The following MTR variants were observed in gnomAD, a reference collection of about 807,000 sequenced individuals.
MTR encodes the protein methionine synthase.
MTR carries 84 observed loss-of-function variants against 154.8 expected under a neutral mutation model. The ratio of observed to expected loss-of-function variants is 0.54; its 90% confidence interval spans 0.45 to 0.65. The LOEUF is 0.65. Among genes scored for constraint, MTR ranks in the 30% least tolerant of loss-of-function variants. The pLI, the probability that MTR is intolerant of heterozygous loss-of-function variation, is 0.00. For missense variants in MTR, 1,275 were observed against 1,570.2 expected (o/e 0.81, Z 3.18); for synonymous variants, 554 against 553.9 (o/e 1.00, Z 0.00).
Position 236,873,756 on chromosome 1 carries a change from T to G in MTR, c.2406-17T>G. The G allele has an allele frequency of 6.2e-7, 1 of 1,610,826 alleles. No homozygotes were observed. The highest frequency in any genetic ancestry group is 8.5e-7 in the Non-Finnish European group (1 of 1,176,920). On this transcript the variant is annotated splice_polypyrimidine_tract_variant and intron_variant, in intron 22 of 32. Coordinates refer to ENST00000366577, the MANE Select transcript of MTR (RefSeq NM_000254.3). ...GGGCTTTCATTAATTTTCTCATGTC[T>G]CATTTCTGTGCCTCAGAGTTATTGA... is the stretch of plus-strand genomic sequence containing the variant.
intron 3 of MTR, among the ~76,000 whole-genome samples, chr1:236,807,663 A>G (rs1661062752): frequency 6.6e-6 from 1 of 152,220 alleles, no homozygotes; most frequent in South Asian, 2.1e-4. Flanking sequence ...ATAGAAATAT[A>G]TGGTAGATGC....
At position 236,859,821 on chromosome 1, in the gene MTR, A is replaced by G. The variant is rs192346180; in HGVS notation, c.1954-12A>G. The stretch of plus-strand genomic sequence containing the variant: ...GAGTTGTATCCATTTCTTGGTTTCA[A>G]TTTCAATTCAGACTCAAGGCACAGG... On this transcript the variant is annotated splice_polypyrimidine_tract_variant and intron_variant, in intron 18 of 32. Transcript: ENST00000366577. The G allele has an allele frequency of 7.4e-6, 12 of 1,611,158 alleles. No homozygotes were observed. Among genetic ancestry groups the G allele is most frequent in the South Asian group, 2.2e-5 (2 of 91,040 alleles).
chr1:236,894,638 TC>T, intron 30 of MTR, 81 bp downstream of exon 30: 1 of 1,404,410 alleles, frequency 7.1e-7, no homozygotes, highest in East Asian at 2.3e-5. Context: ...TGAAGACTGA[TC>T]AGCCCTTAGA....
chr1:236,800,785 C>G (rs954240481), intron 1 of MTR, among the ~76,000 whole-genome samples: 2 of 152,250 alleles, frequency 1.3e-5, no homozygotes, highest in African/African-American at 2.4e-5. Flanking sequence ...ACACCAATGT[C>G]TCATTTCATG....
rs16834539 is a variant in MTR, at chr1:236,902,938, G to A, written c.*5294G>A. On this transcript the variant is annotated 3_prime_UTR_variant, in exon 33 of 33. Coordinates refer to ENST00000366577, the MANE Select transcript of MTR (RefSeq NM_000254.3). Reference sequence around the variant, plus strand: ...AACTGAAAGTATATTCTGATTCGGTGTGTGTATAAGGAAATATACACCAGT... The same window carrying A: ...AACTGAAAGTATATTCTGATTCGGTATGTGTATAAGGAAATATACACCAGT... The A allele has an allele frequency of 6.6e-6, 1 of 152,170 alleles. No individual in the cohort carries two copies. Among genetic ancestry groups the A allele is most frequent in the African/African-American group, 2.4e-5 (1 of 41,430 alleles). The allele number at this position is 152,170 out of a possible 1,614,324, so 9.4% of individuals were successfully genotyped here. A position where few individuals can be genotyped will look rare whatever the true frequency, so the allele number is the denominator to read the frequency against.
intron 16 of MTR, among the ~76,000 whole-genome samples, chr1:236,852,059 A>G (rs1315189759): frequency 6.6e-6 from 1 of 152,206 alleles, no homozygotes; most frequent in Non-Finnish European, 1.5e-5. Flanking sequence ...TGAGCCAATA[A>G]TAGTGAAAGT....
At chr1:236,895,618 A>C in intron 31 of MTR, 68 bp downstream of exon 31, 1 of 1,487,092 alleles carries the variant, frequency 6.7e-7, no homozygotes. Flanking sequence ...GCATACTGGC[A>C]CTTAGGGTTA....
At position 236,894,740 on chromosome 1, in the gene MTR, G is replaced by A; in HGVS notation, c.3405+183G>A. 5 of 642,234 alleles carry A rather than the reference G, an allele frequency of 7.8e-6. No homozygotes were observed. The East Asian group carries it at 8.3e-5, about 11-fold the overall frequency. 39.8% of individuals were successfully genotyped at this position (642,234 alleles called of 1,614,324 possible). A position where few individuals can be genotyped will look rare whatever the true frequency, so the allele number is the denominator to read the frequency against. On this transcript the variant is annotated intron_variant, in intron 30 of 32. Coordinates refer to ENST00000366577, the MANE Select transcript of MTR (RefSeq NM_000254.3). Reference sequence around the variant, plus strand: ...AATATTATGTATCCCCAGATTGCTTGTGTACATTATCTTTGAGGCAAAGAA... The same window carrying A: ...AATATTATGTATCCCCAGATTGCTTATGTACATTATCTTTGAGGCAAAGAA...
intron 15 of MTR, among the ~76,000 whole-genome samples, chr1:236,840,031 G>A (rs1663140780): frequency 6.6e-6 from 1 of 152,120 alleles, no homozygotes; most frequent in African/African-American, 2.4e-5. Context: ...CTGAGATGGG[G>A]GTGGTCTCAA....
At chr1:236,853,901 G>A (rs555934230) in intron 18 of MTR, among the ~76,000 whole-genome samples, 75 of 152,270 alleles carry the variant, frequency 4.9e-4, no homozygotes, top group Non-Finnish European at 9.1e-4. Flanking sequence ...TATCGTAGAT[G>A]GTTCTTCTTA....
At chr1:236,810,129 A>C (rs969555542) in intron 4 of MTR, among the ~76,000 whole-genome samples, 2 of 152,172 alleles carry the variant, frequency 1.3e-5, no homozygotes, top group Non-Finnish European at 2.9e-5. Context: ...TTACTTACTG[A>C]AATGTTTTAG....
intron 22 of MTR, among the ~76,000 whole-genome samples, chr1:236,865,732 T>C (rs1664786010): frequency 6.6e-6 from 1 of 152,200 alleles, no homozygotes; most frequent in African/African-American, 2.4e-5. Flanking sequence ...TAGTATTACC[T>C]ACCATTTGTT....
At chr1:236,826,303 G>GTT (rs1329601461) in intron 10 of MTR, among the ~76,000 whole-genome samples, 117 of 152,214 alleles carry the variant, frequency 7.7e-4, no homozygotes, top group African/African-American at 2.7e-3. Flanking sequence ...TATTTTTTGT[G>GTT]TTTATTTTTT....
intron 24 of MTR, among the ~76,000 whole-genome samples, chr1:236,877,734 T>C (rs1042702933): frequency 2.0e-5 from 3 of 152,222 alleles, no homozygotes; most frequent in Non-Finnish European, 4.4e-5. Context: ...CACATGTATG[T>C]GTATTTTTGC....
At chr1:236,860,391 C>CA (rs1405904409) in intron 19 of MTR, among the ~76,000 whole-genome samples, 1 of 147,670 alleles carries the variant, frequency 6.8e-6, no homozygotes, top group African/African-American at 2.6e-5. Context: ...TGGAGAATCT[C>CA]AGAGTTTTGT....
intron 14 of MTR, among the ~76,000 whole-genome samples, chr1:236,837,968 A>G (rs1370742971): frequency 1.3e-5 from 2 of 152,034 alleles, no homozygotes; most frequent in African/African-American, 2.4e-5. Flanking sequence ...TTTTTTCAGT[A>G]AAGAACTTGA....
In MTR at chr1:236,803,413, TC is replaced by T. The variant is rs1660800598; in HGVS notation, c.35-14del. 6.2e-7 allele frequency: 1 copy of T among 1,612,400 alleles called. No individual in the cohort carries two copies. The highest frequency in any genetic ancestry group is 8.5e-7 in the Non-Finnish European group (1 of 1,178,522). On this transcript the variant is annotated splice_polypyrimidine_tract_variant and intron_variant, in intron 1 of 32. Transcript: ENST00000366577. ...CCTTTCATTCTTTGAAGTCAAACTT[TC>T]ACTTTCTTTAAAGAAGGTCTGAAGA...
chr1:236,874,708 T>TAAAA lies in MTR; in HGVS notation c.2474-7_2474-4dup. On this transcript the variant is annotated splice_polypyrimidine_tract_variant and intron_variant, in intron 23 of 32. Coordinates refer to ENST00000366577, the MANE Select transcript of MTR (RefSeq NM_000254.3). The stretch of plus-strand genomic sequence containing the variant: ...ACTGTCCTTTTTGTCCTTTTTTTTT[T>TAAAA]AAAAAAAAAAAAAATAGATATAATT... The TAAAA allele has an allele frequency of 1.6e-5, 20 of 1,223,438 alleles. No individual in the cohort carries two copies. The highest frequency in any genetic ancestry group is 1.6e-5 in the Non-Finnish European group (15 of 919,128). The allele number at this position is 1,223,438 out of a possible 1,614,324, so 75.8% of individuals were successfully genotyped here. A position where few individuals can be genotyped will look rare whatever the true frequency, so the allele number is the denominator to read the frequency against.
In MTR at chr1:236,903,694, A is replaced by T. The variant is rs568267417; in HGVS notation, c.*6050A>T. On this transcript the variant is annotated 3_prime_UTR_variant, in exon 33 of 33. Transcript: ENST00000366577. ...GCCATCCATAAGGTAAATGTAATAC[A>T]TCTGGCGACCTGCTGAGTGTGAACT... The T allele has an allele frequency of 6.6e-6, 1 of 152,354 alleles. No individual in the cohort carries two copies. Among genetic ancestry groups the T allele is most frequent in the East Asian group, 1.9e-4 (1 of 5,186 alleles). 9.4% of individuals were successfully genotyped at this position (152,354 alleles called of 1,614,324 possible). A position where few individuals can be genotyped will look rare whatever the true frequency, so the allele number is the denominator to read the frequency against.
Sources: allele counts gnomAD v4.1 joint callset (sites outside exome capture counted in the v4.1 genomes callset), GRCh38; gene constraint gnomAD v4.1.1; transcripts MANE v1.5; gene names NCBI Gene and HGNC (gene_info 2026-07-23, HGNC 2026-07-21).